PTAFR: variants seen among roughly 807,000 people sequenced by gnomAD.
The protein encoded by PTAFR is platelet-activating factor receptor.
A neutral mutation model predicts 14.7 loss-of-function variants in PTAFR; 8 were observed. That is an observed-to-expected ratio of 0.54 (90% CI 0.32 to 0.98). The LOEUF (loss-of-function observed/expected upper bound fraction) is 0.98, where lower values mean the gene tolerates loss of function less well. PTAFR is among the 50% of genes least tolerant of loss of function. The probability of loss-of-function intolerance (pLI) is 0.04; values close to 1 mark genes in which losing one functional copy is unlikely to be tolerated. For missense variants in PTAFR, 337 were observed against 451.2 expected (o/e 0.75, Z 2.29); for synonymous variants, 156 against 176.5 (o/e 0.88, Z 0.92).
At chr1:28,169,789 A>C (rs995416799) in intron 1 of PTAFR, among the ~76,000 whole-genome samples, 18 of 151,986 alleles carry the variant, frequency 1.2e-4, no homozygotes, top group Non-Finnish European at 2.5e-4. Context: ...CACTTGAGGT[A>C]AGGAGTTCGA....
chr1:28,177,547 C>G (rs905551011), upstream of PTAFR, among the ~76,000 whole-genome samples: 1 of 152,136 alleles, frequency 6.6e-6, no homozygotes, highest in Non-Finnish European at 1.5e-5. Flanking sequence ...AGCCACTGAG[C>G]CTGGCCCTGT....
rs1441077892 is a variant in PTAFR at position 28,151,062 on chromosome 1, G to A, written c.-38-3C>T. The A allele has an allele frequency of 1.3e-6, 2 of 1,487,498 alleles. No individual in the cohort carries two copies. The highest frequency in any genetic ancestry group is 1.8e-6 in the Non-Finnish European group (2 of 1,104,050). 92.1% of individuals were successfully genotyped at this position (1,487,498 alleles called of 1,614,324 possible). On this transcript the variant is annotated splice_polypyrimidine_tract_variant and splice_region_variant and intron_variant, in intron 1 of 1. Transcript: ENST00000373857. ...TGATCAGCTGGTCCTGGTGGTGCCTGGAAGACCACACAAAAATTCTGGTTA... is the reference window on the plus strand; with the variant it reads ...TGATCAGCTGGTCCTGGTGGTGCCTAGAAGACCACACAAAAATTCTGGTTA...
chr1:28,150,755 C>T lies in PTAFR; in HGVS notation c.267G>A (p.Leu89=), dbSNP rs1239424039. 11 of 1,614,110 alleles carry T rather than the reference C, an allele frequency of 6.8e-6. No individual in the cohort carries two copies. Among genetic ancestry groups the T allele is most frequent in the Non-Finnish European group, 9.3e-6 (11 of 1,180,028 alleles). The change falls in exon 2 of 2, where the codon CTG becomes CTA. Residue 89 remains leucine (L), a synonymous_variant. Transcript: ENST00000373857. This position sits in a 1 kb window ranked among gnomAD's most constrained non-coding sequence, Gnocchi z 6.3. ...NQGNWILPKF[L]CNVAGCLFFI... ...AGAAAAGGCAGCCAGCCACGTTGCA[C>T]AGGAATTTGGGGAGTATCCAGTTGC...
intron 1 of PTAFR, among the ~76,000 whole-genome samples, chr1:28,184,884 C>T (rs1046520593): frequency 5.3e-5 from 8 of 152,152 alleles, no homozygotes; most frequent in African/African-American, 1.9e-4. Context: ...AAGTGATCCA[C>T]CTACCTCGGC....
In PTAFR at chr1:28,148,832, C is replaced by T. The variant is rs1646144931; in HGVS notation, c.*1161G>A. 6.6e-6 allele frequency: 1 copy of T among 152,382 alleles called. No homozygotes were observed. Among genetic ancestry groups the T allele is most frequent in the African/African-American group, 2.4e-5 (1 of 41,464 alleles). The allele number at this position is 152,382 out of a possible 1,614,324, so 9.4% of individuals were successfully genotyped here. On this transcript the variant is annotated 3_prime_UTR_variant, in exon 2 of 2. Transcript: ENST00000373857. ...GAACTCCGGACCTCAGGTGATCTGCCTGCCTTGGCCTCCCAAAGTGCTGGG... is the reference window on the plus strand; with the variant it reads ...GAACTCCGGACCTCAGGTGATCTGCTTGCCTTGGCCTCCCAAAGTGCTGGG...
intron 1 of PTAFR, among the ~76,000 whole-genome samples, chr1:28,175,623 T>C (rs764779119): frequency 2.6e-5 from 4 of 151,616 alleles, no homozygotes; most frequent in Non-Finnish European, 5.9e-5. Context: ...GGACGGTGGG[T>C]GCCAGCCTGG....
At chr1:28,170,820 A>G (rs1008920674) in intron 1 of PTAFR, among the ~76,000 whole-genome samples, 4 of 151,878 alleles carry the variant, frequency 2.6e-5, no homozygotes, top group African/African-American at 4.8e-5. Flanking sequence ...CTAACACGGT[A>G]AAACCCTGTC....
At position 28,151,140 on chromosome 1, in the gene PTAFR, C is replaced by T. The variant is rs935511282; in HGVS notation, c.-38-81G>A. The T allele has an allele frequency of 4.1e-5, 32 of 783,000 alleles. No individual in the cohort carries two copies. In the Admixed American group the frequency reaches 9.4e-4, roughly 23 times the overall value. The allele number at this position is 783,000 out of a possible 1,614,324, so 48.5% of individuals were successfully genotyped here. A position where few individuals can be genotyped will look rare whatever the true frequency, so the allele number is the denominator to read the frequency against. ...TTTCATCAGTTCCAAGACTCCTTGC[C>T]ATGGTTAGAATGATGATGTCCCCTC... On this transcript the variant is annotated intron_variant, in intron 1 of 1. Coordinates refer to ENST00000373857, the MANE Select transcript of PTAFR (RefSeq NM_000952.5).
At chr1:28,159,850 T>C in intron 1 of PTAFR, among the ~76,000 whole-genome samples, 1 of 149,924 alleles carries the variant, frequency 6.7e-6, no homozygotes, top group East Asian at 2.0e-4. Context: ...GAAGTTTGAT[T>C]GAGCAACAAA....
At chr1:28,160,334 T>C (rs1024717219) in intron 1 of PTAFR, among the ~76,000 whole-genome samples, 4 of 151,700 alleles carry the variant, frequency 2.6e-5, no homozygotes, top group African/African-American at 9.7e-5. Context: ...GGTTGTATTG[T>C]TAAATTCCTT....
chr1:28,157,795 A>AT (rs1557687308), intron 1 of PTAFR, among the ~76,000 whole-genome samples: 1 of 151,346 alleles, frequency 6.6e-6, no homozygotes. Context: ...CGCCCGGCTA[A>AT]TTTTTTTTGT....
At chr1:28,175,313 C>T (rs1180266254) in intron 1 of PTAFR, among the ~76,000 whole-genome samples, 4 of 152,040 alleles carry the variant, frequency 2.6e-5, no homozygotes, top group Admixed American at 6.6e-5. Flanking sequence ...GATCGAAACC[C>T]CGGATGCCCA....
rs534834980 is a variant in PTAFR, at chr1:28,153,091, C to T, written c.-38-2032G>A. On this transcript the variant is annotated intron_variant, in intron 1 of 1. Coordinates refer to ENST00000373857, the MANE Select transcript of PTAFR (RefSeq NM_000952.5). ...GGAGGACCGAGTGAGCCCAGGAGTT[C>T]AAGACCAGTCTGGGCAACACAGTGA... Among the ~76,000 whole-genome samples, 329 of 151,744 alleles carry T rather than the reference C, an allele frequency of 2.2e-3. 1 individual carries two copies. The highest frequency in any genetic ancestry group is 7.4e-3 in the African/African-American group (308 of 41,406).
rs1315462803 is a variant in PTAFR, at chr1:28,147,726, T to C, written c.*2267A>G. ...CATCAGAGGATCAAGGGGCCCAAAT[T>C]CGCAGAAAAGGGGAGGGTCTAAGAT... On this transcript the variant is annotated 3_prime_UTR_variant, in exon 2 of 2. Transcript: ENST00000373857. 1 of 152,020 alleles carries C rather than the reference T, an allele frequency of 6.6e-6. No homozygotes were observed. Among genetic ancestry groups the C allele is most frequent in the East Asian group, 1.9e-4 (1 of 5,190 alleles). 9.4% of individuals were successfully genotyped at this position (152,020 alleles called of 1,614,324 possible).
At chr1:28,159,139 C>T (rs1646297676) in intron 1 of PTAFR, among the ~76,000 whole-genome samples, 1 of 152,054 alleles carries the variant, frequency 6.6e-6, no homozygotes, top group Non-Finnish European at 1.5e-5. Context: ...GGAGGAACAG[C>T]ATGAGGGCAG....
upstream of PTAFR, among the ~76,000 whole-genome samples, chr1:28,178,245 C>G (rs576694854): frequency 1.3e-5 from 2 of 152,142 alleles, no homozygotes; most frequent in South Asian, 2.1e-4. Flanking sequence ...AAGGACAAAA[C>G]ACTTTTTTTA....
At chr1:28,157,036 C>T (rs762969288) in intron 1 of PTAFR, among the ~76,000 whole-genome samples, 2 of 152,206 alleles carry the variant, frequency 1.3e-5, no homozygotes, top group Non-Finnish European at 2.9e-5. Flanking sequence ...ATTGAGAAAG[C>T]CTTTCCGCCA....
intron 1 of PTAFR, among the ~76,000 whole-genome samples, chr1:28,191,097 C>A (rs1457935306): frequency 6.6e-6 from 1 of 152,244 alleles, no homozygotes; most frequent in Non-Finnish European, 1.5e-5. Context: ...CCCTCTTCAG[C>A]TCGGGAGCAA....
intron 1 of PTAFR, among the ~76,000 whole-genome samples, chr1:28,185,541 T>A (rs58488372): frequency 0.02 from 3,089 of 152,296 alleles, 73 homozygotes; most frequent in African/African-American, 0.06. Flanking sequence ...GGTTTTAGAA[T>A]CAAAGAGACT....
Sources: gnomAD v4.1 joint callset for allele counts (sites outside exome capture counted in the v4.1 genomes callset) on GRCh38, gnomAD v4.1.1 for gene constraint, Gnocchi (gnomAD v3.1) non-coding constraint, MANE v1.5 for transcripts, NCBI Gene and HGNC (gene_info 2026-07-23, HGNC 2026-07-21) for gene names.